The following FHIT variants were observed in gnomAD, a reference collection of about 807,000 sequenced individuals.
FHIT encodes fragile histidine triad diadenosine triphosphatase, also known as bis(5'-adenosyl)-triphosphatase.
In FHIT, 19 loss-of-function variants were observed where a neutral mutation model predicts 17.9. That is an observed-to-expected ratio of 1.06 (90% confidence interval 0.74 to 1.56). The LOEUF (loss-of-function observed/expected upper bound fraction) is 1.56. Among genes scored for constraint, FHIT ranks in the 40% most tolerant of loss-of-function variants. The pLI is 0.00. For missense variants in FHIT, 248 were observed against 189.2 expected (o/e 1.31, Z -1.82); for synonymous variants, 81 against 69.7 (o/e 1.16, Z -0.81).
chr3:59,919,626 A>G (rs1240772335), intron 8 of FHIT, among the ~76,000 whole-genome samples: 1 of 152,206 alleles, frequency 6.6e-6, no homozygotes, highest in Admixed American at 6.5e-5. Context: ...TTCCTAGCCA[A>G]TTTATACTCT....
At chr3:60,427,412 C>T (rs765621779) in intron 5 of FHIT, among the ~76,000 whole-genome samples, 2 of 152,100 alleles carry the variant, frequency 1.3e-5, no homozygotes, top group Non-Finnish European at 2.9e-5. Flanking sequence ...TTTCAGCCTT[C>T]CAGGACCTTT....
intron 7 of FHIT, among the ~76,000 whole-genome samples, chr3:59,937,584 C>T (rs1392232722): frequency 6.6e-6 from 1 of 152,162 alleles, no homozygotes; most frequent in Admixed American, 6.6e-5. Flanking sequence ...GGAATTGGAG[C>T]AAGGAGCTAA....
intron 5 of FHIT, among the ~76,000 whole-genome samples, chr3:60,471,898 C>A (rs1036028400): frequency 6.6e-6 from 1 of 151,868 alleles, no homozygotes; most frequent in Non-Finnish European, 1.5e-5. Context: ...GTAAGATGAA[C>A]AGAGTCATAT....
chr3:60,078,855 G>A (rs1020700514), intron 5 of FHIT, among the ~76,000 whole-genome samples: 1 of 151,540 alleles, frequency 6.6e-6, no homozygotes. Flanking sequence ...TAATATCTGG[G>A]GATCTGAGGG....
At chr3:61,228,615 A>T (rs1447718254) in intron 1 of FHIT, among the ~76,000 whole-genome samples, 1 of 152,186 alleles carries the variant, frequency 6.6e-6, no homozygotes, top group African/African-American at 2.4e-5. Flanking sequence ...CCCAGCCAAA[A>T]ACCCTAAGAA....
At chr3:60,910,808 G>A (rs1706704231) in intron 3 of FHIT, among the ~76,000 whole-genome samples, 2 of 152,228 alleles carry the variant, frequency 1.3e-5, no homozygotes, top group East Asian at 3.9e-4. Context: ...CAAAATCCTA[G>A]ATTCACCCCT....
intron 1 of FHIT, among the ~76,000 whole-genome samples, chr3:61,227,493 T>C (rs541652604): frequency 3.3e-5 from 5 of 152,110 alleles, no homozygotes; most frequent in Non-Finnish European, 7.3e-5. Context: ...GCAGTGAAAC[T>C]TGCAGCACAT....
At chr3:59,803,167 T>C (rs1047867978) in intron 8 of FHIT, among the ~76,000 whole-genome samples, 8 of 151,960 alleles carry the variant, frequency 5.3e-5, no homozygotes, top group African/African-American at 1.9e-4. Context: ...ACACATCTCC[T>C]TCCCTCCCAC....
At chr3:60,958,201 G>A (rs912112258) in intron 3 of FHIT, among the ~76,000 whole-genome samples, 9 of 152,104 alleles carry the variant, frequency 5.9e-5, no homozygotes, top group East Asian at 1.9e-4. Context: ...TTGTAGATAC[G>A]CATAGATTTT....
At chr3:60,598,945 G>A (rs1202308474) in intron 4 of FHIT, among the ~76,000 whole-genome samples, 4 of 152,192 alleles carry the variant, frequency 2.6e-5, no homozygotes, top group African/African-American at 9.6e-5. Context: ...TGACAGATGT[G>A]CTGTCTGCCA....
intron 8 of FHIT, among the ~76,000 whole-genome samples, chr3:59,850,300 T>C (rs1701882315): frequency 6.6e-6 from 1 of 152,206 alleles, no homozygotes; most frequent in Admixed American, 6.5e-5. Flanking sequence ...ACAGACAACT[T>C]TACCTCTTTA....
intron 5 of FHIT, among the ~76,000 whole-genome samples, chr3:60,196,501 A>C (rs182853181): frequency 2.2e-3 from 329 of 152,242 alleles, no homozygotes; most frequent in African/African-American, 7.3e-3. Context: ...CCCCTATCCC[A>C]AAATTTTTAA....
chr3:60,418,415 T>C (rs1702340654), intron 5 of FHIT, among the ~76,000 whole-genome samples: 1 of 71,500 alleles, frequency 1.4e-5, no homozygotes, highest in African/African-American at 4.8e-5. Context: ...TATATATATA[T>C]ATATATATAT....
chr3:61,250,068 C>A (rs1362275827), intron 1 of FHIT, among the ~76,000 whole-genome samples: 2 of 152,158 alleles, frequency 1.3e-5, no homozygotes, highest in East Asian at 3.8e-4. Flanking sequence ...GCCATGAACG[C>A]AGGTCCACAT....
At position 60,728,855 on chromosome 3, in the gene FHIT, T is replaced by G. The variant is rs567361175; in HGVS notation, c.-18+93064A>C. On this transcript the variant is annotated intron_variant, in intron 4 of 9. Coordinates refer to ENST00000492590, the MANE Select transcript of FHIT (RefSeq NM_002012.4). ...CTGTAACAAATTTAAATTACTTATATAAAACTCATTACTTGTAGTTTTCCC... is the reference window on the plus strand; with the variant it reads ...CTGTAACAAATTTAAATTACTTATAGAAAACTCATTACTTGTAGTTTTCCC... 2.6e-5 allele frequency among the ~76,000 whole-genome samples: 4 copies of G among 152,264 alleles called. No homozygotes were observed. The South Asian group carries it at 8.3e-4, about 32-fold the overall frequency.
At chr3:60,977,478 A>T (rs980457500) in intron 3 of FHIT, among the ~76,000 whole-genome samples, 9 of 152,224 alleles carry the variant, frequency 5.9e-5, no homozygotes, top group African/African-American at 2.2e-4. Context: ...GTCTGGATTG[A>T]ACAAACAAGC....
intron 1 of FHIT, among the ~76,000 whole-genome samples, chr3:61,233,099 T>G (rs2040145951): frequency 6.6e-6 from 1 of 152,220 alleles, no homozygotes; most frequent in Non-Finnish European, 1.5e-5. Context: ...GCTAAAAGAT[T>G]ATAATTCTCA....
At chr3:60,242,874 T>A (rs558487977) in intron 5 of FHIT, among the ~76,000 whole-genome samples, 1 of 152,062 alleles carries the variant, frequency 6.6e-6, no homozygotes, top group Non-Finnish European at 1.5e-5. Context: ...TATGTGAACA[T>A]CTCCCCAAGC....
intron 3 of FHIT, among the ~76,000 whole-genome samples, chr3:60,980,801 A>C (rs191871639): frequency 6.6e-6 from 1 of 152,276 alleles, no homozygotes; most frequent in East Asian, 1.9e-4. Context: ...ACTCCTTTTA[A>C]TTCTGAATTT....
Sources: allele counts gnomAD v4.1 joint callset (sites outside exome capture counted in the v4.1 genomes callset), GRCh38; gene constraint gnomAD v4.1.1; transcripts MANE v1.5; gene names NCBI Gene and HGNC (gene_info 2026-07-23, HGNC 2026-07-21).